The following ZRSR2 variants were observed in gnomAD, a reference collection of about 807,000 sequenced individuals.
ZRSR2 encodes the protein zinc finger CCCH-type, RNA binding motif and serine/arginine rich 2.
Under a neutral mutation model 39.4 loss-of-function variants are expected in ZRSR2, and 3 were observed. The observed-to-expected ratio is 0.08, with a 90% CI of 0.03 to 0.20. ZRSR2 has a LOEUF of 0.20. ZRSR2 is among the 10% of genes least tolerant of loss of function. The probability of loss-of-function intolerance (pLI) is 1.00; values close to 1 mark genes in which losing one functional copy is unlikely to be tolerated. For synonymous variants in ZRSR2, 137 were observed against 136.0 expected (o/e 1.01, Z -0.05); for missense variants, 256 against 391.5 (o/e 0.65, Z 2.92).
At chrX:15,795,058 A>C (rs1038004453) in intron 2 of ZRSR2, among the ~76,000 whole-genome samples, 2 of 104,215 alleles carry the variant, frequency 1.9e-5, no homozygotes, top group Non-Finnish European at 3.9e-5. Context: ...AGATATCTTG[A>C]GACCCTTCAC....
rs1459330735 is a variant in ZRSR2, at chrX:15,820,371, G to A, written c.937+55G>A. On this transcript the variant is annotated intron_variant, in intron 10 of 10. Transcript: ENST00000307771. ...CAATTGTTCCACTGCTATATAAAGGGATATTCTTTGGGGGAAACCCAGTAT... is the reference window on the plus strand; with the variant it reads ...CAATTGTTCCACTGCTATATAAAGGAATATTCTTTGGGGGAAACCCAGTAT... The A allele has an allele frequency of 3.7e-6, 4 of 1,078,568 alleles. No homozygotes were observed. The East Asian group carries it at 1.2e-4, about 33-fold the overall frequency. 88.9% of individuals were successfully genotyped at this position (1,078,568 alleles called of 1,213,427 possible). A position where few individuals can be genotyped will look rare whatever the true frequency, so the allele number is the denominator to read the frequency against.
chrX:15,793,009 C>T (rs984139260), intron 2 of ZRSR2, among the ~76,000 whole-genome samples: 1 of 111,927 alleles, frequency 8.9e-6, no homozygotes, highest in African/African-American at 3.2e-5. Context: ...GTGTGTTTAA[C>T]TGCAACCTGT....
intron 2 of ZRSR2, among the ~76,000 whole-genome samples, chrX:15,798,846 T>G (rs1212165306): frequency 9.0e-6 from 1 of 111,710 alleles, no homozygotes; most frequent in African/African-American, 3.3e-5. Context: ...ATGAGACCTT[T>G]CACATCAGGT....
intron 9 of ZRSR2, 36 bp from the exon 10 acceptor site, chrX:15,820,171 T>G (rs374528985): frequency 5.3e-5 from 58 of 1,095,375 alleles, no homozygotes; most frequent in Non-Finnish European, 7.1e-5. Flanking sequence ...ATTAGGAAGT[T>G]ACTGTAAAGC....
In ZRSR2 at chrX:15,810,086, C is replaced by T. The variant is rs191077499; in HGVS notation, c.557+768C>T. Among the ~76,000 whole-genome samples the T allele has an allele frequency of 2.8e-3, 314 of 111,768 alleles. 4 individuals carry two copies. Among genetic ancestry groups the T allele is most frequent in the African/African-American group, 9.8e-3 (301 of 30,777 alleles). ...TGAGGCCGAAATGAGCACACACACC[C>T]GTAGAACAGGGCCCCAGGAGTGCTT... On this transcript the variant is annotated intron_variant, in intron 7 of 10. Transcript: ENST00000307771.
chrX:15,820,425 C>T (rs1933079012), intron 10 of ZRSR2, 109 bp downstream of exon 10: 1 of 702,612 alleles, frequency 1.4e-6, no homozygotes, highest in East Asian at 3.3e-5. Context: ...AGCTTTTTGC[C>T]TCACACAGTA....
intron 2 of ZRSR2, among the ~76,000 whole-genome samples, chrX:15,794,080 A>G (rs1007190970): frequency 1.8e-5 from 2 of 112,383 alleles, no homozygotes; most frequent in Non-Finnish European, 3.8e-5. Flanking sequence ...AAACTATAGC[A>G]TGATTCTGTG....
intron 7 of ZRSR2, among the ~76,000 whole-genome samples, chrX:15,813,738 C>T (rs1463935536): frequency 2.7e-5 from 3 of 112,069 alleles, no homozygotes; most frequent in African/African-American, 6.5e-5. Context: ...TTTTGATTCA[C>T]TGTTAGTGTT....
intron 1 of ZRSR2, 157 bp from the exon 2 acceptor site, chrX:15,790,777 C>T (rs746451585): frequency 3.4e-6 from 2 of 592,373 alleles, no homozygotes; most frequent in East Asian, 3.6e-5. Flanking sequence ...GAGGATGAGG[C>T]GATGATAGAT....
At chrX:15,813,518 A>T (rs780721013) in intron 7 of ZRSR2, among the ~76,000 whole-genome samples, 3 of 112,132 alleles carry the variant, frequency 2.7e-5, no homozygotes, top group Non-Finnish European at 5.6e-5. Flanking sequence ...GGCCTTTTGT[A>T]TACACTTAGA....
chrX:15,800,173 AT>A lies in ZRSR2; in HGVS notation c.203+228del, dbSNP rs1288467782. Among the ~76,000 whole-genome samples, 453 of 99,035 alleles carry A rather than the reference AT, an allele frequency of 4.6e-3. 1 individual carries two copies. The highest frequency in any genetic ancestry group is 0.016 in the African/African-American group (429 of 27,026). The allele number at this position is 99,035 out of a possible 115,157, so 86.0% of individuals were successfully genotyped here. On this transcript the variant is annotated intron_variant, in intron 3 of 10. Transcript: ENST00000307771. ...TTTCTTCTGTTTTTGCTAATTTATAATTTTTTTTCTTTCTTTTTTTTTTTTT... is the reference window on the plus strand; with the variant it reads ...TTTCTTCTGTTTTTGCTAATTTATAATTTTTTTCTTTCTTTTTTTTTTTTT...
At chrX:15,797,585 A>T (rs1423407627) in intron 2 of ZRSR2, among the ~76,000 whole-genome samples, 1 of 112,003 alleles carries the variant, frequency 8.9e-6, no homozygotes, top group Non-Finnish European at 1.9e-5. Context: ...CATATATTTT[A>T]TGCATTCATG....
intron 3 of ZRSR2, among the ~76,000 whole-genome samples, chrX:15,802,640 A>G (rs774350253): frequency 9.2e-6 from 1 of 109,023 alleles, no homozygotes; most frequent in South Asian, 4.0e-4. Context: ...TTGTATTTTT[A>G]GTAGAGATGG....
intron 2 of ZRSR2, among the ~76,000 whole-genome samples, chrX:15,792,710 T>G (rs1184292825): frequency 8.9e-6 from 1 of 112,657 alleles, no homozygotes; most frequent in Non-Finnish European, 1.9e-5. Context: ...ATCTACCTGC[T>G]TAATGCAATA....
At chrX:15,820,167 A>G in intron 9 of ZRSR2, 40 bp from the exon 10 acceptor site, 1 of 1,057,203 alleles carries the variant, frequency 9.5e-7, no homozygotes, top group Non-Finnish European at 1.3e-6. Context: ...ACATATTAGG[A>G]AGTTACTGTA....
chrX:15,800,169 T>G (rs1932620045), intron 3 of ZRSR2, among the ~76,000 whole-genome samples: 1 of 107,789 alleles, frequency 9.3e-6, no homozygotes, highest in Admixed American at 1.0e-4. Flanking sequence ...TTTGCTAATT[T>G]ATAATTTTTT....
intron 9 of ZRSR2, among the ~76,000 whole-genome samples, chrX:15,819,412 C>CA (rs1196145892): frequency 9.1e-6 from 1 of 109,636 alleles, no homozygotes; most frequent in Admixed American, 9.8e-5. Flanking sequence ...CTCATCTCTA[C>CA]AAAAAAATTT....
intron 3 of ZRSR2, among the ~76,000 whole-genome samples, chrX:15,802,689 C>T (rs1932710327): frequency 9.1e-6 from 1 of 110,123 alleles, no homozygotes; most frequent in Non-Finnish European, 1.9e-5. Context: ...AAATTCCTGA[C>T]CTCAGGTGAT....
At chrX:15,815,952 G>T in intron 8 of ZRSR2, 62 bp downstream of exon 8, 1 of 993,032 alleles carries the variant, frequency 1.0e-6, no homozygotes. Context: ...AATGGCACAA[G>T]AGAGCTGGGA....
Sources: allele counts gnomAD v4.1 joint callset (sites outside exome capture counted in the v4.1 genomes callset), GRCh38; gene constraint gnomAD v4.1.1; transcripts MANE v1.5; gene names NCBI Gene and HGNC (gene_info 2026-07-23, HGNC 2026-07-21).